Variants in ZCCHC7 observed in about 807,000 individuals in gnomAD.
The protein encoded by ZCCHC7 is zinc finger CCHC domain-containing protein 7.
ZCCHC7 carries 35 observed loss-of-function variants against 52.0 expected under a neutral mutation model. That is an observed-to-expected ratio of 0.67 (90% CI 0.51 to 0.89). ZCCHC7 has a LOEUF of 0.89. Among genes scored for constraint, ZCCHC7 ranks in the 40% least tolerant of loss-of-function variants. The pLI is 0.00. For synonymous variants in ZCCHC7, 217 were observed against 221.5 expected, an observed-to-expected ratio of 0.98 and a Z score of 0.18; for missense variants, 574 against 649.1, an observed-to-expected ratio of 0.88 and a Z score of 1.26.
intron 2 of ZCCHC7, among the ~76,000 whole-genome samples, chr9:37,249,910 T>C (rs911826907): frequency 1.3e-5 from 2 of 152,114 alleles, no homozygotes; most frequent in Non-Finnish European, 2.9e-5. Flanking sequence ...CCAAATTTTG[T>C]GCTGAAGGAA....
chr9:37,266,988 T>C (rs967529969), intron 2 of ZCCHC7, among the ~76,000 whole-genome samples: 3 of 152,196 alleles, frequency 2.0e-5, no homozygotes, highest in African/African-American at 7.2e-5. Flanking sequence ...TTTTTCTGTA[T>C]AAATGGTCAA....
intron 2 of ZCCHC7, among the ~76,000 whole-genome samples, chr9:37,230,188 C>T (rs1216201721): frequency 6.6e-6 from 1 of 152,090 alleles, no homozygotes; most frequent in African/African-American, 2.4e-5. Flanking sequence ...ATTAAAATAA[C>T]AATAAAAAGT....
Position 37,130,586 on chromosome 9 carries a change from G to A in ZCCHC7, c.610+3644G>A, listed in dbSNP as rs1338968320. On this transcript the variant is annotated intron_variant, in intron 2 of 8. Transcript: ENST00000336755. ...CGGCTCACTGCAAGCTGCGCCTCCC[G>A]GGTTCACGCCATTCTCCTGCCTCAG... Among the ~76,000 whole-genome samples, 4 of 150,308 alleles carry A rather than the reference G, an allele frequency of 2.7e-5. No homozygotes were observed. In the East Asian group the frequency reaches 7.9e-4, roughly 30 times the overall value.
intron 2 of ZCCHC7, among the ~76,000 whole-genome samples, chr9:37,128,032 GA>G (rs1842615026): frequency 6.6e-6 from 1 of 152,154 alleles, no homozygotes; most frequent in South Asian, 2.1e-4. Context: ...ACAGCAAAAC[GA>G]AAAGAGAGAA....
chr9:37,302,846 G>A (rs966624742), intron 3 of ZCCHC7, among the ~76,000 whole-genome samples: 1 of 152,068 alleles, frequency 6.6e-6, no homozygotes, highest in Admixed American at 6.6e-5. Context: ...TTAGAATATG[G>A]GACAGTTAGA....
intron 2 of ZCCHC7, among the ~76,000 whole-genome samples, chr9:37,249,537 C>T (rs1484086097): frequency 2.7e-5 from 4 of 147,016 alleles, no homozygotes; most frequent in African/African-American, 1.0e-4. Context: ...CTGCAACCTC[C>T]GCATCCTGGG....
chr9:37,285,010 T>A (rs960824667), intron 2 of ZCCHC7, among the ~76,000 whole-genome samples: 1 of 152,218 alleles, frequency 6.6e-6, no homozygotes, highest in Non-Finnish European at 1.5e-5. Context: ...ATAAAAAGTT[T>A]CTTAAGTGTT....
chr9:37,201,793 A>G (rs763930815), intron 2 of ZCCHC7, among the ~76,000 whole-genome samples: 24 of 152,196 alleles, frequency 1.6e-4, no homozygotes, highest in Non-Finnish European at 2.5e-4. Flanking sequence ...ACTTTTGTTA[A>G]TCTAGTGCTC....
At chr9:37,152,115 C>G (rs1820561978) in intron 2 of ZCCHC7, among the ~76,000 whole-genome samples, 1 of 152,134 alleles carries the variant, frequency 6.6e-6, no homozygotes, top group African/African-American at 2.4e-5. Context: ...GAATTTCTCT[C>G]CCTGGAGTGC....
intron 5 of ZCCHC7, among the ~76,000 whole-genome samples, chr9:37,316,029 A>G (rs1388009913): frequency 1.1e-4 from 17 of 149,932 alleles, no homozygotes; most frequent in African/African-American, 2.2e-4. Context: ...AAAAAAAAAA[A>G]GGGTTCCTTT....
At chr9:37,124,240 T>C (rs1485222159) in intron 1 of ZCCHC7, among the ~76,000 whole-genome samples, 1 of 152,140 alleles carries the variant, frequency 6.6e-6, no homozygotes, top group East Asian at 1.9e-4. Flanking sequence ...TTTTCAGGGC[T>C]CTCATTTTAA....
chr9:37,140,526 A>T (rs1205617684), intron 2 of ZCCHC7, among the ~76,000 whole-genome samples: 1 of 152,132 alleles, frequency 6.6e-6, no homozygotes, highest in South Asian at 2.1e-4. Flanking sequence ...GGTGAGTGGT[A>T]GAGATCCATC....
At chr9:37,271,388 G>A (rs1436281682) in intron 2 of ZCCHC7, among the ~76,000 whole-genome samples, 1 of 152,056 alleles carries the variant, frequency 6.6e-6, no homozygotes, top group East Asian at 1.9e-4. Flanking sequence ...TATGGAAGGG[G>A]GAAACTACAG....
intron 2 of ZCCHC7, among the ~76,000 whole-genome samples, chr9:37,282,872 C>CTT (rs58619243): frequency 0.011 from 867 of 78,104 alleles, 9 homozygotes; most frequent in Admixed American, 0.028. Flanking sequence ...AGACCTGAAT[C>CTT]TTTTTTTTTT....
intron 2 of ZCCHC7, among the ~76,000 whole-genome samples, chr9:37,171,491 C>T (rs969099134): frequency 6.6e-6 from 1 of 152,114 alleles, no homozygotes; most frequent in African/African-American, 2.4e-5. Context: ...ATCATAAGCT[C>T]ACTGCAGCCT....
intron 5 of ZCCHC7, among the ~76,000 whole-genome samples, chr9:37,318,226 C>T (rs1829906407): frequency 6.6e-6 from 1 of 151,670 alleles, no homozygotes; most frequent in African/African-American, 2.4e-5. Flanking sequence ...ATATAAAAGG[C>T]CGGGCGCAGT....
At chr9:37,121,538 TG>T (rs1363654481) in intron 1 of ZCCHC7, 1 of 152,230 alleles carries the variant, frequency 6.6e-6, no homozygotes, top group East Asian at 1.9e-4. Context: ...ATAGTTAGGC[TG>T]TCGCATACAA....
At chr9:37,225,720 CAA>C (rs1825064097) in intron 2 of ZCCHC7, among the ~76,000 whole-genome samples, 3 of 152,148 alleles carry the variant, frequency 2.0e-5, no homozygotes, top group Non-Finnish European at 2.9e-5. Context: ...AAGCATTTTA[CAA>C]AGTTTATCAC....
chr9:37,217,656 T>A (rs1012082906), intron 2 of ZCCHC7, among the ~76,000 whole-genome samples: 6 of 152,184 alleles, frequency 3.9e-5, no homozygotes, highest in Non-Finnish European at 7.4e-5. Flanking sequence ...ATTAATAATA[T>A]TGTGTCCATG....
Sources: allele counts gnomAD v4.1 joint callset (sites outside exome capture counted in the v4.1 genomes callset), GRCh38; gene constraint gnomAD v4.1.1; transcripts MANE v1.5; gene names NCBI Gene and HGNC (gene_info 2026-07-23, HGNC 2026-07-21).